Variants in FGF13 observed in about 807,000 individuals in gnomAD.
The protein encoded by FGF13 is fibroblast growth factor homologous factor 2.
A neutral mutation model predicts 19.5 loss-of-function variants in FGF13; 2 were observed. That is an observed-to-expected ratio of 0.10 (90% CI 0.04 to 0.32). The LOEUF is 0.32. FGF13 is among the 10% of genes least tolerant of loss of function. FGF13 has a pLI of 1.00. For synonymous variants in FGF13, 72 were observed against 76.9 expected (o/e 0.94, Z 0.33); for missense variants, 113 against 192.7 (o/e 0.59, Z 2.45).
chrX:138,921,364 A>G (rs1208982761), intron 1 of FGF13, among the ~76,000 whole-genome samples: 2 of 112,032 alleles, frequency 1.8e-5, no homozygotes, highest in African/African-American at 6.5e-5. Context: ...GTGTGAATTC[A>G]GGTGGTAAAT....
chrX:139,096,489 A>G (rs2083471257), intron 1 of FGF13, among the ~76,000 whole-genome samples: 1 of 112,190 alleles, frequency 8.9e-6, no homozygotes, highest in South Asian at 3.7e-4. Flanking sequence ...CAAAATCACA[A>G]GTAGAAAAAT....
chrX:139,127,077 G>C (rs1486768998), intron 1 of FGF13, among the ~76,000 whole-genome samples: 1 of 111,368 alleles, frequency 9.0e-6, no homozygotes, highest in Non-Finnish European at 1.9e-5. Context: ...ACTAGGAATG[G>C]AGGGTGCAGT....
chrX:138,983,546 C>T (rs971349761), intron 1 of FGF13, among the ~76,000 whole-genome samples: 3 of 107,573 alleles, frequency 2.8e-5, no homozygotes, highest in African/African-American at 1.0e-4. Flanking sequence ...AGTGAGAATG[C>T]TGAGAAATTG....
chrX:139,013,394 CAT>C (rs1182782927), intron 1 of FGF13, among the ~76,000 whole-genome samples: 11 of 105,338 alleles, frequency 1.0e-4, no homozygotes, highest in African/African-American at 2.8e-4. Context: ...CTTGCACACA[CAT>C]GTTTGCAGCA....
In FGF13 at chrX:138,783,747, G is replaced by C. The variant is rs1484911026; in HGVS notation, c.217+73765C>G. On this transcript the variant is annotated intron_variant, in intron 3 of 6. Coordinates refer to the FGF13 transcript ENST00000436198. ...GTCAACTAGTTCAACCATTGTGGAAGTCAGTGTGGCGATTCCTCAGGGATC... is the reference window on the plus strand; with the variant it reads ...GTCAACTAGTTCAACCATTGTGGAACTCAGTGTGGCGATTCCTCAGGGATC... Among the ~76,000 whole-genome samples the C allele has an allele frequency of 2.8e-5, 3 of 107,709 alleles. No individual in the cohort carries two copies. In the South Asian group the frequency reaches 1.3e-3, roughly 47 times the overall value. The allele number at this position is 107,709 out of a possible 115,157, so 93.5% of individuals were successfully genotyped here. A position where few individuals can be genotyped will look rare whatever the true frequency, so the allele number is the denominator to read the frequency against.
intron 1 of FGF13, among the ~76,000 whole-genome samples, chrX:139,064,469 A>C (rs748412193): frequency 1.3e-5 from 1 of 78,679 alleles, no homozygotes; most frequent in African/African-American, 6.1e-5. Flanking sequence ...CGCCCGGCTA[A>C]TTTTTTGTAT....
intron 3 of FGF13, among the ~76,000 whole-genome samples, chrX:138,684,653 T>C (rs370700157): frequency 4.0e-4 from 45 of 111,633 alleles, no homozygotes; most frequent in African/African-American, 1.1e-3. Context: ...TATGAGAAAA[T>C]ATTACACACA....
intron 1 of FGF13, among the ~76,000 whole-genome samples, chrX:139,027,741 G>C (rs753502028): frequency 9.0e-6 from 1 of 111,282 alleles, no homozygotes; most frequent in African/African-American, 3.3e-5. Context: ...AAGGCCTTTT[G>C]TGCTCTCTCT....
chrX:138,806,991 A>G (rs2090873296), intron 3 of FGF13: 1 of 111,344 alleles, frequency 9.0e-6, no homozygotes, highest in African/African-American at 3.3e-5. Context: ...GTTGAGACTC[A>G]AGCAGAATTT....
rs186236923 is a variant in FGF13 at position 138,744,819 on chromosome X, C to T, written c.218-35891G>A. On this transcript the variant is annotated intron_variant, in intron 3 of 6. Transcript: ENST00000436198. Reference sequence around the variant, plus strand: ...CAAAAATATTACTCAGAATCCAAGGCCATCAAAATATGCTGAAGGTAGAAA... The same window carrying T: ...CAAAAATATTACTCAGAATCCAAGGTCATCAAAATATGCTGAAGGTAGAAA... Among the ~76,000 whole-genome samples the T allele has an allele frequency of 1.8e-3, 202 of 111,583 alleles. 5 individuals carry two copies. In the Admixed American group the frequency reaches 0.019, roughly 11 times the overall value.
chrX:139,133,363 A>G (rs987849702), intron 1 of FGF13, among the ~76,000 whole-genome samples: 1 of 105,210 alleles, frequency 9.5e-6, no homozygotes, highest in Non-Finnish European at 1.9e-5. Flanking sequence ...AAAAAAAAAA[A>G]TTCTCACCAG....
chrX:138,961,766 G>C (rs1221915667), intron 1 of FGF13, among the ~76,000 whole-genome samples: 2 of 111,794 alleles, frequency 1.8e-5, no homozygotes, highest in African/African-American at 6.5e-5. Context: ...TTAATAAATG[G>C]TTCTGGGAAA....
upstream of FGF13, among the ~76,000 whole-genome samples, chrX:138,713,252 C>T (rs2090071661): frequency 8.9e-6 from 1 of 112,421 alleles, no homozygotes; most frequent in African/African-American, 3.2e-5. Flanking sequence ...AAATTTGATT[C>T]ATAGGGAAAA....
intron 1 of FGF13, among the ~76,000 whole-genome samples, chrX:139,111,392 A>G (rs1331851826): frequency 8.9e-6 from 1 of 111,989 alleles, no homozygotes; most frequent in Non-Finnish European, 1.9e-5. Context: ...CACAACTCCT[A>G]AGAGTTCTCT....
At chrX:139,013,482 TATATATATATATATATATATATA>T (rs2092138872) in intron 1 of FGF13, among the ~76,000 whole-genome samples, 1 of 679 alleles carries the variant, frequency 1.5e-3, no homozygotes, top group African/African-American at 2.6e-3. Context: ...GAAAATTTTA[TATATATATATATATATATATATA>T]TATATATATA....
intron 3 of FGF13, among the ~76,000 whole-genome samples, chrX:138,790,584 C>T (rs951949622): frequency 8.9e-6 from 1 of 111,906 alleles, no homozygotes; most frequent in African/African-American, 3.3e-5. Context: ...AACTCTTTCT[C>T]TCATCACCTT....
chrX:138,991,631 G>GT (rs1853522347), intron 1 of FGF13, among the ~76,000 whole-genome samples: 1 of 112,306 alleles, frequency 8.9e-6, no homozygotes, highest in African/African-American at 3.2e-5. Context: ...AATAGTTTCA[G>GT]TAACAATGGA....
chrX:138,652,267 G>C (rs957174682), intron 3 of FGF13, among the ~76,000 whole-genome samples: 11 of 111,243 alleles, frequency 9.9e-5, no homozygotes, highest in African/African-American at 3.6e-4. Flanking sequence ...CCTCAACAGA[G>C]AGGCTTCCCC....
intron 1 of FGF13, among the ~76,000 whole-genome samples, chrX:139,119,632 C>T (rs1406308842): frequency 1.8e-5 from 2 of 111,810 alleles, no homozygotes; most frequent in East Asian, 5.6e-4. Context: ...CTTGAGTTCC[C>T]AGCTCTCTGA....
Sources: gnomAD v4.1 joint callset for allele counts (sites outside exome capture counted in the v4.1 genomes callset) on GRCh38, gnomAD v4.1.1 for gene constraint, MANE v1.5 for transcripts, NCBI Gene and HGNC (gene_info 2026-07-23, HGNC 2026-07-21) for gene names.